FOCAD: variants seen among roughly 807,000 people sequenced by gnomAD.
The protein encoded by FOCAD is KIAA1797.
In FOCAD, 198 loss-of-function variants were observed where a neutral mutation model predicts 225.6. That is an observed-to-expected ratio of 0.88 (90% CI 0.78 to 0.99). The LOEUF is 0.99. FOCAD is among the 50% of genes least tolerant of loss of function. The probability of loss-of-function intolerance (pLI) is 0.00; values close to 1 mark genes in which losing one functional copy is unlikely to be tolerated. For synonymous variants in FOCAD, 897 were observed against 755.0 expected (o/e 1.19, Z -3.08); for missense variants, 2,713 against 2,123.6 (o/e 1.28, Z -5.46).
chr9:20,812,868 G>A (rs1823236540), intron 11 of FOCAD, among the ~76,000 whole-genome samples: 1 of 152,118 alleles, frequency 6.6e-6, no homozygotes, highest in Non-Finnish European at 1.5e-5. Flanking sequence ...GATTTTTTGT[G>A]TATGGTAAAC....
chr9:20,796,678 T>C (rs984855303), intron 11 of FOCAD, among the ~76,000 whole-genome samples: 1 of 152,244 alleles, frequency 6.6e-6, no homozygotes, highest in African/African-American at 2.4e-5. Context: ...TTTTTTCTTG[T>C]AAATTTATTT....
intron 8 of FOCAD, among the ~76,000 whole-genome samples, chr9:20,778,264 A>T (rs1261742758): frequency 6.6e-6 from 1 of 151,340 alleles, no homozygotes. Context: ...TTTTTTTTTG[A>T]GATGGAATCT....
chr9:20,754,725 C>T (rs1420450495), intron 5 of FOCAD, among the ~76,000 whole-genome samples: 1 of 152,044 alleles, frequency 6.6e-6, no homozygotes, highest in Non-Finnish European at 1.5e-5. Context: ...AGAAATCCTA[C>T]TTGTATCTAG....
intron 27 of FOCAD, among the ~76,000 whole-genome samples, chr9:20,930,254 AG>A (rs1443060050): frequency 1.3e-5 from 2 of 152,294 alleles, no homozygotes; most frequent in African/African-American, 4.8e-5. Flanking sequence ...TAAATCGGAA[AG>A]GTTTTTTTAG....
intron 5 of FOCAD, among the ~76,000 whole-genome samples, chr9:20,750,498 G>A (rs1013130774): frequency 1.3e-5 from 2 of 152,102 alleles, no homozygotes; most frequent in Non-Finnish European, 2.9e-5. Context: ...ACAACAAATT[G>A]GATCATCTAT....
intron 21 of FOCAD, among the ~76,000 whole-genome samples, chr9:20,896,180 A>G (rs1339391243): frequency 6.6e-6 from 1 of 151,902 alleles, no homozygotes; most frequent in African/African-American, 2.4e-5. Flanking sequence ...TTGATTTTCT[A>G]ATATTGATTT....
chr9:20,911,728 C>T (rs1350935573), intron 22 of FOCAD, among the ~76,000 whole-genome samples: 2 of 152,174 alleles, frequency 1.3e-5, no homozygotes, highest in East Asian at 3.9e-4. Context: ...TAAATTTACA[C>T]AGCCAGTAGG....
intron 24 of FOCAD, among the ~76,000 whole-genome samples, chr9:20,920,886 C>T (rs1231153801): frequency 2.6e-5 from 4 of 151,150 alleles, no homozygotes; most frequent in Non-Finnish European, 5.9e-5. Context: ...GTGGGTGCAG[C>T]ACACCAGCAT....
Position 20,733,691 on chromosome 9 carries a change from A to G in FOCAD, c.288-6545A>G, listed in dbSNP as rs914770281. 5.9e-5 allele frequency among the ~76,000 whole-genome samples: 9 copies of G among 152,044 alleles called. No individual in the cohort carries two copies. The East Asian group carries it at 1.5e-3, about 26-fold the overall frequency. On this transcript the variant is annotated intron_variant, in intron 4 of 43. Coordinates refer to ENST00000338382, the MANE Select transcript of FOCAD (RefSeq NM_001375567.1). ...TCCCTAAAAAGGACATGAATTTTTC[A>G]TTTGTGTTCAGGAAGTCCTTCCTCA...
At chr9:20,904,407 C>T (rs2132000783) in intron 21 of FOCAD, among the ~76,000 whole-genome samples, 1 of 152,036 alleles carries the variant, frequency 6.6e-6, no homozygotes, top group African/African-American at 2.4e-5. Context: ...ATCCTCACCT[C>T]CTCCAAGTTT....
intron 7 of FOCAD, among the ~76,000 whole-genome samples, chr9:20,768,161 C>T (rs901905464): frequency 1.3e-5 from 2 of 148,340 alleles, no homozygotes; most frequent in Non-Finnish European, 3.0e-5. Flanking sequence ...TTTCTGAGGG[C>T]TCTGTTCTGT....
intron 5 of FOCAD, 34 bp downstream of exon 5, chr9:20,740,374 TATGAA>T: frequency 3.4e-6 from 4 of 1,171,782 alleles, no homozygotes; most frequent in Non-Finnish European, 4.9e-6. Context: ...TTTAAACAAA[TATGAA>T]TTTTTAATGA....
chr9:20,878,964 C>T (rs1038442729), intron 19 of FOCAD, among the ~76,000 whole-genome samples: 2 of 152,130 alleles, frequency 1.3e-5, no homozygotes, highest in African/African-American at 4.8e-5. Flanking sequence ...GAGAGTTCAC[C>T]TTCTGCATTT....
intron 4 of FOCAD, among the ~76,000 whole-genome samples, chr9:20,739,533 A>T (rs1827430746): frequency 1.3e-5 from 2 of 151,834 alleles, no homozygotes; most frequent in Admixed American, 6.6e-5. Context: ...AACCCAGGAG[A>T]TGGAGGTTGC....
chr9:20,755,635 T>C (rs548294939), intron 5 of FOCAD, among the ~76,000 whole-genome samples: 2 of 152,110 alleles, frequency 1.3e-5, no homozygotes, highest in Admixed American at 1.3e-4. Flanking sequence ...GTGTGATAAC[T>C]TGTTGAGTTT....
intron 1 of FOCAD, among the ~76,000 whole-genome samples, chr9:20,709,518 A>AC (rs1415079341): frequency 6.6e-6 from 1 of 151,832 alleles, no homozygotes; most frequent in East Asian, 1.9e-4. Context: ...AAAAAAAAAA[A>AC]AAAAAAAAAA....
rs796702774 is a variant in FOCAD, at chr9:20,815,123, G to GGTTTTTTTTTTTTTTTTTT, written c.1456-4673_1456-4672insGTTTTTTTTTTTTTTTTTT. Among the ~76,000 whole-genome samples, 208 of 85,368 alleles carry GGTTTTTTTTTTTTTTTTTT rather than the reference G, an allele frequency of 2.4e-3. 37 individuals are homozygous for GGTTTTTTTTTTTTTTTTTT. The highest frequency in any genetic ancestry group is 0.017 in the Middle Eastern group (2 of 118). The allele number at this position is 85,368 out of a possible 152,430, so 56.0% of individuals were successfully genotyped here. On this transcript the variant is annotated intron_variant, in intron 11 of 43. Coordinates refer to ENST00000338382, the MANE Select transcript of FOCAD (RefSeq NM_001375567.1). ...TCTGGAAATATCATTACTTCTCTTTGTTTTTTTTTTTTTGTTTTTTTTTTT... is the reference window on the plus strand; with the variant it reads ...TCTGGAAATATCATTACTTCTCTTTGGTTTTTTTTTTTTTTTTTTTTTTTTTTTTTTTGTTTTTTTTTTT...
chr9:20,959,914 T>C (rs1838546112), intron 35 of FOCAD, among the ~76,000 whole-genome samples: 2 of 152,322 alleles, frequency 1.3e-5, no homozygotes, highest in South Asian at 4.1e-4. Context: ...TACCCTTTTA[T>C]TTTGAAACAA....
chr9:20,833,833 A>G (rs1211868750), intron 15 of FOCAD, among the ~76,000 whole-genome samples: 2 of 152,112 alleles, frequency 1.3e-5, no homozygotes, highest in African/African-American at 4.8e-5. Context: ...GAATCACTAA[A>G]ATTAAAAAGA....
Sources: allele counts gnomAD v4.1 joint callset (sites outside exome capture counted in the v4.1 genomes callset), GRCh38; gene constraint gnomAD v4.1.1; transcripts MANE v1.5; gene names NCBI Gene and HGNC (gene_info 2026-07-23, HGNC 2026-07-21).